The following UBN2 variants were observed in gnomAD, a reference collection of about 807,000 sequenced individuals.
UBN2 encodes the protein ubinuclein 2.
A neutral mutation model predicts 120.2 loss-of-function variants in UBN2; 35 were observed. The observed-to-expected ratio is 0.29, with a 90% CI of 0.22 to 0.39. The LOEUF (loss-of-function observed/expected upper bound fraction) is 0.39. Among genes scored for constraint, UBN2 ranks in the 10% least tolerant of loss-of-function variants. The probability of loss-of-function intolerance (pLI) is 1.00; values close to 1 mark genes in which losing one functional copy is unlikely to be tolerated. For missense variants in UBN2, 1,693 were observed against 1,663.2 expected (o/e 1.02, Z -0.31); for synonymous variants, 661 against 648.7 (o/e 1.02, Z -0.29).
Position 139,278,202 on chromosome 7 carries a change from G to A in UBN2, c.2025-1116G>A, listed in dbSNP as rs1206129318. ...CTGGCTTTTTTTTTTTTTTTTTTGA[G>A]ATGGAGTCTTGCTCTGTCGCCCAGG... On this transcript the variant is annotated intron_variant, in intron 12 of 17. Coordinates refer to ENST00000473989, the MANE Select transcript of UBN2 (RefSeq NM_173569.4). Among the ~76,000 whole-genome samples, 4 of 133,456 alleles carry A rather than the reference G, an allele frequency of 3.0e-5. No individual in the cohort carries two copies. The South Asian group carries it at 7.2e-4, about 24-fold the overall frequency. 87.6% of individuals were successfully genotyped at this position (133,456 alleles called of 152,430 possible). A position where few individuals can be genotyped will look rare whatever the true frequency, so the allele number is the denominator to read the frequency against.
chr7:139,294,669 C>A (rs1205867347), intron 17 of UBN2, among the ~76,000 whole-genome samples: 3 of 152,058 alleles, frequency 2.0e-5, no homozygotes, highest in African/African-American at 7.2e-5. Flanking sequence ...GGTGAAACCC[C>A]GTCTCTATTA....
chr7:139,323,129 G>GTAA, the UBN2 span, among the ~76,000 whole-genome samples: 10 of 152,098 alleles, frequency 6.6e-5, no homozygotes, highest in Admixed American at 6.6e-4. Flanking sequence ...AAACTACTAT[G>GTAA]TAATGGAAAG....
At chr7:139,264,547 G>A (rs1249585686) in intron 6 of UBN2, among the ~76,000 whole-genome samples, 1 of 151,630 alleles carries the variant, frequency 6.6e-6, no homozygotes, top group Non-Finnish European at 1.5e-5. Context: ...CACACGATTT[G>A]GACCTCTTTT....
At chr7:139,318,783 G>A in the UBN2 span, among the ~76,000 whole-genome samples, 3 of 152,206 alleles carry the variant, frequency 2.0e-5, no homozygotes, top group Admixed American at 2.0e-4. Flanking sequence ...AAGACTGACC[G>A]CTTCAAATTA....
downstream of UBN2, among the ~76,000 whole-genome samples, chr7:139,310,438 A>G (rs937195555): frequency 9.2e-5 from 14 of 152,186 alleles, no homozygotes; most frequent in African/African-American, 3.4e-4. Flanking sequence ...CAATTTCTCC[A>G]GTTATAAGCA....
At chr7:139,324,260 C>T in the UBN2 span, among the ~76,000 whole-genome samples, 1 of 152,140 alleles carries the variant, frequency 6.6e-6, no homozygotes, top group Non-Finnish European at 1.5e-5. Context: ...TTTAATGAGA[C>T]ATTAACTGCC....
Position 139,283,576 on chromosome 7 carries a change from T to C in UBN2, c.2671T>C (p.Ser891Pro). The change falls in exon 15 of 18, where the codon TCC (serine) becomes CCC (proline). Residue 891 changes from serine (S) to proline (P), a missense_variant. By Grantham distance (74) the Ser-to-Pro change is moderately conservative. Coordinates refer to ENST00000473989, the MANE Select transcript of UBN2 (RefSeq NM_173569.4). ...LQRSSQIHTSSSSQTHVSSSS... is the reference protein window; with the variant it reads ...LQRSSQIHTSPSSQTHVSSSS... Reference sequence around the variant, plus strand: ...GAGGTCAAGCCAGATTCACACTTCTTCCTCTTCACAGACCCATGTCTCCTC... The same window carrying C: ...GAGGTCAAGCCAGATTCACACTTCTCCCTCTTCACAGACCCATGTCTCCTC... The C allele has an allele frequency of 6.2e-7, 1 of 1,614,122 alleles. No individual in the cohort carries two copies. The highest frequency in any genetic ancestry group is 8.5e-7 in the Non-Finnish European group (1 of 1,180,026).
At chr7:139,288,660 G>A (rs1197148518) in intron 15 of UBN2, among the ~76,000 whole-genome samples, 1 of 151,992 alleles carries the variant, frequency 6.6e-6, no homozygotes, top group African/African-American at 2.4e-5. Flanking sequence ...GGCGTTGTGG[G>A]GAATAGGGGA....
Position 139,305,587 on chromosome 7 carries a change from T to C in UBN2, c.*7751T>C, listed in dbSNP as rs1043411840. 1.3e-5 allele frequency: 2 copies of C among 152,244 alleles called. No homozygotes were observed. Among genetic ancestry groups the C allele is most frequent in the Non-Finnish European group, 2.9e-5 (2 of 68,036 alleles). 9.4% of individuals were successfully genotyped at this position (152,244 alleles called of 1,614,324 possible). ...TGTGATAGTTCTACTTTTCAGTCTTTCCTGTGTATCTCCATTTCATAGTGC... is the reference window on the plus strand; with the variant it reads ...TGTGATAGTTCTACTTTTCAGTCTTCCCTGTGTATCTCCATTTCATAGTGC... On this transcript the variant is annotated 3_prime_UTR_variant, in exon 18 of 18. Transcript: ENST00000473989.
chr7:139,321,024 C>T, the UBN2 span, among the ~76,000 whole-genome samples: 4 of 152,230 alleles, frequency 2.6e-5, no homozygotes, highest in African/African-American at 7.2e-5. Flanking sequence ...GGTATCCTGG[C>T]GTGAGGAAGG....
chr7:139,326,590 G>A, the UBN2 span, among the ~76,000 whole-genome samples: 1 of 152,210 alleles, frequency 6.6e-6, no homozygotes, highest in Non-Finnish European at 1.5e-5. Flanking sequence ...TTAGCACCTA[G>A]AAGAGTGCCT....
intron 2 of UBN2, among the ~76,000 whole-genome samples, chr7:139,240,018 T>C (rs1301420726): frequency 6.6e-6 from 1 of 152,236 alleles, no homozygotes; most frequent in Admixed American, 6.5e-5. Context: ...TAGGATAGTA[T>C]CTGGCATAGA....
intron 5 of UBN2, 64 bp downstream of exon 5, chr7:139,259,434 A>G: frequency 6.3e-7 from 1 of 1,582,780 alleles, no homozygotes; most frequent in East Asian, 2.2e-5. Context: ...CCCTTTAGAA[A>G]GATATACTTA....
chr7:139,252,687 C>T (rs1175038895), intron 3 of UBN2, among the ~76,000 whole-genome samples: 1 of 151,992 alleles, frequency 6.6e-6, no homozygotes, highest in Non-Finnish European at 1.5e-5. Flanking sequence ...CTGAAAGAAT[C>T]TCTTGGGATT....
the UBN2 span, among the ~76,000 whole-genome samples, chr7:139,313,687 C>A: frequency 6.6e-6 from 1 of 152,000 alleles, no homozygotes; most frequent in Non-Finnish European, 1.5e-5. Flanking sequence ...TGATCTAAGT[C>A]TTCTCCATTA....
chr7:139,273,478 C>A lies in UBN2; in HGVS notation c.1829+68C>A, dbSNP rs931383077. On this transcript the variant is annotated intron_variant, in intron 10 of 17. Transcript: ENST00000473989. ...GTAAGATTCCTCATTAAAAAAAAAT[C>A]TATAATAAATATAAAACTAGATTGG... The A allele has an allele frequency of 1.1e-5, 12 of 1,069,830 alleles. No individual in the cohort carries two copies. In the African/African-American group the frequency reaches 1.3e-4, roughly 12 times the overall value. 66.3% of individuals were successfully genotyped at this position (1,069,830 alleles called of 1,614,324 possible).
chr7:139,309,252 G>T (rs775130657), downstream of UBN2, among the ~76,000 whole-genome samples: 1 of 152,142 alleles, frequency 6.6e-6, no homozygotes, highest in Non-Finnish European at 1.5e-5. Flanking sequence ...TAGAGTGATG[G>T]TATGAGTGCT....
intron 16 of UBN2, 189 bp from the exon 17 acceptor site, chr7:139,293,700 A>C (rs1357429207): frequency 1.5e-6 from 1 of 647,302 alleles, no homozygotes; most frequent in Non-Finnish European, 2.6e-6. Context: ...TTTAAGAGGA[A>C]GTCAGTTGTG....
chr7:139,265,935 GT>G (rs1797084339), intron 6 of UBN2, among the ~76,000 whole-genome samples: 1 of 152,104 alleles, frequency 6.6e-6, no homozygotes, highest in Non-Finnish European at 1.5e-5. Context: ...AAGCCAAAAA[GT>G]TTGTGGTAGT....
Sources: allele counts gnomAD v4.1 joint callset (sites outside exome capture counted in the v4.1 genomes callset), GRCh38; gene constraint gnomAD v4.1.1; transcripts MANE v1.5; gene names NCBI Gene and HGNC (gene_info 2026-07-23, HGNC 2026-07-21).